The following MOB1B variants were observed in gnomAD, a reference collection of about 807,000 sequenced individuals.
The protein encoded by MOB1B is MOB1 Mps One Binder homolog B.
Under a neutral mutation model 24.4 loss-of-function variants are expected in MOB1B, and 19 were observed. The observed-to-expected ratio is 0.78, with a 90% CI of 0.54 to 1.14. The LOEUF is 1.14. Ranked by LOEUF, MOB1B falls within the 50% of genes most tolerant of loss-of-function variation. MOB1B has a pLI of 0.00. For missense variants in MOB1B, 243 were observed against 259.6 expected, an observed-to-expected ratio of 0.94 and a Z score of 0.44; for synonymous variants, 76 against 82.1, an observed-to-expected ratio of 0.93 and a Z score of 0.40.
At chr4:70,907,634 G>C (rs1735799034) in intron 1 of MOB1B, among the ~76,000 whole-genome samples, 1 of 152,086 alleles carries the variant, frequency 6.6e-6, no homozygotes, top group Non-Finnish European at 1.5e-5. Flanking sequence ...TTTGAGAACA[G>C]CCTGGGTAAC....
At chr4:70,906,292 A>T (rs534457025) in intron 1 of MOB1B, among the ~76,000 whole-genome samples, 1 of 152,110 alleles carries the variant, frequency 6.6e-6, no homozygotes, top group South Asian at 2.1e-4. Flanking sequence ...TAGGAGAATC[A>T]CTTGAATCCG....
rs1190338681 is a variant in MOB1B at position 70,983,506 on chromosome 4, C to G, written c.*1449C>G. On this transcript the variant is annotated 3_prime_UTR_variant, in exon 6 of 6. Coordinates refer to ENST00000309395, the MANE Select transcript of MOB1B (RefSeq NM_173468.4). ...CACTTCAGTTTTATTCTAGAAAATA[C>G]CCTTTTTAGAAATCCAGTTTTAGTT... is the stretch of plus-strand genomic sequence containing the variant. The G allele has an allele frequency of 6.6e-6, 1 of 152,094 alleles. No individual in the cohort carries two copies. The highest frequency in any genetic ancestry group is 1.5e-5 in the Non-Finnish European group (1 of 67,972). 9.4% of individuals were successfully genotyped at this position (152,094 alleles called of 1,614,324 possible). A position where few individuals can be genotyped will look rare whatever the true frequency, so the allele number is the denominator to read the frequency against.
At position 70,961,202 on chromosome 4, in the gene MOB1B, T is replaced by G. The variant is rs540609179; in HGVS notation, c.181+2162T>G. On this transcript the variant is annotated intron_variant, in intron 2 of 5. Coordinates refer to ENST00000309395, the MANE Select transcript of MOB1B (RefSeq NM_173468.4). The stretch of plus-strand genomic sequence containing the variant: ...TAGAACAATTACAGTTATACTGTAG[T>G]AAAAGTTATGTGAATATAGTCTCTC... Among the ~76,000 whole-genome samples the G allele has an allele frequency of 2.2e-4, 34 of 152,288 alleles. No individual in the cohort carries two copies. In the East Asian group the frequency reaches 5.2e-3, roughly 23 times the overall value.
chr4:70,954,243 AT>A (rs1232234342), intron 1 of MOB1B, among the ~76,000 whole-genome samples: 1 of 152,188 alleles, frequency 6.6e-6, no homozygotes, highest in Non-Finnish European at 1.5e-5. Context: ...AAAAGAAAGG[AT>A]AATGAAAATA....
At position 70,985,763 on chromosome 4, in the gene MOB1B, G is replaced by T. The variant is rs1040630339; in HGVS notation, c.*3706G>T. 1.3e-5 allele frequency: 2 copies of T among 152,046 alleles called. No homozygotes were observed. Among genetic ancestry groups the T allele is most frequent in the Non-Finnish European group, 2.9e-5 (2 of 68,086 alleles). The allele number at this position is 152,046 out of a possible 1,614,324, so 9.4% of individuals were successfully genotyped here. A position where few individuals can be genotyped will look rare whatever the true frequency, so the allele number is the denominator to read the frequency against. ...TCAAACTCCTGACCTCAAGTGATCC[G>T]CCCTCCCCAGCCTCCCAAAGTGCTG... On this transcript the variant is annotated 3_prime_UTR_variant, in exon 6 of 6. Transcript: ENST00000309395.
chr4:70,903,666 AT>A (rs1735615367), intron 1 of MOB1B, among the ~76,000 whole-genome samples: 1 of 152,194 alleles, frequency 6.6e-6, no homozygotes, highest in South Asian at 2.1e-4. Flanking sequence ...TTGCCTAATA[AT>A]TTTTAGTCAT....
intron 1 of MOB1B, among the ~76,000 whole-genome samples, chr4:70,952,068 A>C (rs1279224894): frequency 6.6e-6 from 1 of 152,186 alleles, no homozygotes; most frequent in South Asian, 2.1e-4. Context: ...TAAAAATGTA[A>C]CTGCTCTTTA....
intron 2 of MOB1B, among the ~76,000 whole-genome samples, chr4:70,967,512 ATTC>A (rs1738582951): frequency 6.6e-6 from 1 of 152,214 alleles, no homozygotes; most frequent in African/African-American, 2.4e-5. Context: ...AGAAAGAATT[ATTC>A]TTTTCATTTA....
Position 70,956,326 on chromosome 4 carries a change from C to G in MOB1B, c.15-2548C>G, listed in dbSNP as rs114177678. Among the ~76,000 whole-genome samples, 1,136 of 152,256 alleles carry G rather than the reference C, an allele frequency of 7.5e-3. 14 individuals are homozygous for G. Among genetic ancestry groups the G allele is most frequent in the African/African-American group, 0.026 (1,097 of 41,532 alleles). On this transcript the variant is annotated intron_variant, in intron 1 of 5. Transcript: ENST00000309395. Reference sequence around the variant, plus strand: ...TATATTTTTTAGAGAGGGAGCCCCACTGTGTTGCCCAGATTTGTCTTGAAC... The same window carrying G: ...TATATTTTTTAGAGAGGGAGCCCCAGTGTGTTGCCCAGATTTGTCTTGAAC...
intron 4 of MOB1B, among the ~76,000 whole-genome samples, chr4:70,977,412 A>G (rs761544411): frequency 2.6e-5 from 4 of 152,220 alleles, no homozygotes; most frequent in Non-Finnish European, 5.9e-5. Context: ...ATATGATGAC[A>G]TTGAACCCAG....
At chr4:70,937,213 C>T (rs368961681) in intron 1 of MOB1B, among the ~76,000 whole-genome samples, 6 of 152,104 alleles carry the variant, frequency 3.9e-5, no homozygotes, top group African/African-American at 1.2e-4. Context: ...CCACCTTGCC[C>T]GTTCTCTAAT....
intron 1 of MOB1B, among the ~76,000 whole-genome samples, chr4:70,940,094 G>A (rs745879036): frequency 2.0e-5 from 3 of 151,894 alleles, no homozygotes; most frequent in Non-Finnish European, 4.4e-5. Flanking sequence ...ACCTCCAGCC[G>A]CTTTTGTCTT....
At chr4:70,902,212 C>CG, upstream of MOB1B, 2 of 496,956 alleles carry the variant, frequency 4.0e-6, no homozygotes, top group Non-Finnish European at 7.2e-6. Context: ...GCCGGAGGGC[C>CG]GGGGTGGGCT....
chr4:70,929,706 C>T (rs1015016247), intron 1 of MOB1B, among the ~76,000 whole-genome samples: 3 of 150,616 alleles, frequency 2.0e-5, no homozygotes, highest in South Asian at 4.2e-4. Flanking sequence ...AGTGCAGTGG[C>T]GCGATCTTGG....
chr4:70,906,156 T>A (rs945213339), intron 1 of MOB1B, among the ~76,000 whole-genome samples: 1 of 151,874 alleles, frequency 6.6e-6, no homozygotes, highest in African/African-American at 2.4e-5. Flanking sequence ...GGTGGGTGGA[T>A]CACTTGAAGT....
intron 3 of MOB1B, among the ~76,000 whole-genome samples, chr4:70,971,863 G>T (rs1256879047): frequency 1.3e-5 from 2 of 151,996 alleles, no homozygotes; most frequent in East Asian, 3.9e-4. Context: ...AAAGCTGTGT[G>T]GTCTCCTGCC....
At chr4:70,912,771 C>G (rs968229389) in intron 1 of MOB1B, among the ~76,000 whole-genome samples, 1 of 151,978 alleles carries the variant, frequency 6.6e-6, no homozygotes, top group Non-Finnish European at 1.5e-5. Context: ...TTTCTTTTTT[C>G]TTTTCTTCTC....
chr4:70,959,349 G>A (rs959174405), intron 2 of MOB1B, among the ~76,000 whole-genome samples: 1 of 152,074 alleles, frequency 6.6e-6, no homozygotes, highest in African/African-American at 2.4e-5. Context: ...AGCTGGGACT[G>A]TAGGCACATA....
intron 2 of MOB1B, among the ~76,000 whole-genome samples, chr4:70,963,828 A>G (rs761342684): frequency 6.7e-6 from 1 of 148,900 alleles, no homozygotes; most frequent in Non-Finnish European, 1.5e-5. Flanking sequence ...ACAAAAGAAG[A>G]AAAAAACAAA....
Sources: allele counts gnomAD v4.1 joint callset (sites outside exome capture counted in the v4.1 genomes callset), GRCh38; gene constraint gnomAD v4.1.1; transcripts MANE v1.5; gene names NCBI Gene and HGNC (gene_info 2026-07-23, HGNC 2026-07-21).